Variants in MED4 observed in about 807,000 individuals in gnomAD.
The protein encoded by MED4 is mediator of RNA polymerase II transcription subunit 4.
Under a neutral mutation model 35.0 loss-of-function variants are expected in MED4, and 21 were observed. That is an observed-to-expected ratio of 0.60 (90% CI 0.43 to 0.86). The LOEUF (loss-of-function observed/expected upper bound fraction) is 0.86. Ranked by LOEUF, MED4 falls within the 40% of genes least tolerant of loss-of-function variation. The probability of loss-of-function intolerance (pLI) is 0.00; values close to 1 mark genes in which losing one functional copy is unlikely to be tolerated. For missense variants in MED4, 300 were observed against 319.4 expected, an observed-to-expected ratio of 0.94 and a Z score of 0.46; for synonymous variants, 138 against 114.0, an observed-to-expected ratio of 1.21 and a Z score of -1.34.
chr13:48,085,992 T>C (rs1241762193), intron 3 of MED4, among the ~76,000 whole-genome samples: 2 of 151,892 alleles, frequency 1.3e-5, no homozygotes, highest in East Asian at 3.9e-4. Context: ...TTAAAATTTA[T>C]ATCAGACCAG....
chr13:48,093,300 C>CT (rs952327238), intron 1 of MED4, among the ~76,000 whole-genome samples: 1 of 152,018 alleles, frequency 6.6e-6, no homozygotes, highest in Admixed American at 6.5e-5. Context: ...TGTGTTTCAA[C>CT]TTTTTAAGAC....
chr13:48,086,377 G>T lies in MED4; in HGVS notation c.268C>A (p.His90Asn). The T allele has an allele frequency of 6.2e-7, 1 of 1,613,096 alleles. No individual in the cohort carries two copies. Among genetic ancestry groups the T allele is most frequent in the Admixed American group, 1.7e-5 (1 of 59,916 alleles). Residue 90 changes from histidine (H) to asparagine (N), a missense_variant, in exon 3 of 7, where the codon CAT becomes AAT. Coordinates refer to ENST00000258648, the MANE Select transcript of MED4 (RefSeq NM_014166.4). ...MKLALNQGKI[H>N]HEMQVLEKEV... ...TTTTCTAAAACTTGCATTTCATGAT[G>T]AATTTTTCCCTGATTAAGTGCCAAT...
In MED4 at chr13:48,080,514, C is replaced by G. The variant is rs896387757; in HGVS notation, c.509-539G>C. On this transcript the variant is annotated intron_variant, in intron 5 of 6. Transcript: ENST00000258648. ...TTTTAATTTCTTTTCTGAATCTTCC[C>G]AAGAATATACTATTTTCTACACTTT... Among the ~76,000 whole-genome samples the G allele has an allele frequency of 2.0e-5, 3 of 151,176 alleles. No individual in the cohort carries two copies. In the East Asian group the frequency reaches 5.8e-4, roughly 29 times the overall value.
intron 6 of MED4, 98 bp downstream of exon 6, chr13:48,079,746 G>A: frequency 2.1e-6 from 3 of 1,398,890 alleles, no homozygotes; most frequent in Non-Finnish European, 2.9e-6. Flanking sequence ...AAAAAATTGT[G>A]TCGGGAATCT....
chr13:48,086,248 T>G (rs201007173), intron 3 of MED4, 34 bp downstream of exon 3: 4 of 1,596,202 alleles, frequency 2.5e-6, no homozygotes, highest in Non-Finnish European at 2.6e-6. Context: ...ACAACATCCT[T>G]TTTAACCTTA....
chr13:48,082,243 T>C (rs79663401), intron 4 of MED4, among the ~76,000 whole-genome samples: 3,712 of 152,136 alleles, frequency 0.024, 142 homozygotes, highest in Admixed American at 0.1. Flanking sequence ...CTGTTCAAAA[T>C]GTATGTACAT....
At chr13:48,092,940 TAG>T (rs1950900626) in intron 1 of MED4, among the ~76,000 whole-genome samples, 1 of 151,808 alleles carries the variant, frequency 6.6e-6, no homozygotes, top group Non-Finnish European at 1.5e-5. Context: ...AGAGGGGAGG[TAG>T]AAGTCTCTAA....
chr13:48,088,063 T>C (rs1208405149), intron 2 of MED4, among the ~76,000 whole-genome samples: 2 of 152,144 alleles, frequency 1.3e-5, no homozygotes, highest in Non-Finnish European at 2.9e-5. Context: ...ATATTAATAG[T>C]AGCCATTACA....
chr13:48,077,333 G>T (rs1950768321), intron 6 of MED4, 22 bp from the exon 7 acceptor site: 1 of 1,448,786 alleles, frequency 6.9e-7, no homozygotes, highest in Non-Finnish European at 9.1e-7. Flanking sequence ...AAGAAGCATA[G>T]ATAAGAACAG....
At chr13:48,094,515 C>T (rs955044336) in intron 1 of MED4, among the ~76,000 whole-genome samples, 1 of 152,108 alleles carries the variant, frequency 6.6e-6, no homozygotes, top group African/African-American at 2.4e-5. Flanking sequence ...AGAGGGCCTG[C>T]CCTGACTACA....
intron 4 of MED4, among the ~76,000 whole-genome samples, chr13:48,082,718 T>C (rs139717564): frequency 0.021 from 3,256 of 152,046 alleles, 50 homozygotes; most frequent in Non-Finnish European, 0.035. Flanking sequence ...TCCCAGCTAC[T>C]CGGGAGGCTG....
intron 2 of MED4, among the ~76,000 whole-genome samples, chr13:48,087,278 T>A (rs1474612465): frequency 6.6e-6 from 1 of 151,858 alleles, no homozygotes; most frequent in Admixed American, 6.6e-5. Flanking sequence ...GGAAGGAGAA[T>A]CGCTTGAACC....
Position 48,076,470 on chromosome 13 carries a change from T to C in MED4, c.*669A>G, listed in dbSNP as rs1404998426. 3.3e-5 allele frequency: 5 copies of C among 152,286 alleles called. No individual in the cohort carries two copies. The highest frequency in any genetic ancestry group is 6.8e-3 in the Middle Eastern group (2 of 294). The allele number at this position is 152,286 out of a possible 1,614,324, so 9.4% of individuals were successfully genotyped here. A position where few individuals can be genotyped will look rare whatever the true frequency, so the allele number is the denominator to read the frequency against. On this transcript the variant is annotated 3_prime_UTR_variant, in exon 7 of 7. Coordinates refer to ENST00000258648, the MANE Select transcript of MED4 (RefSeq NM_014166.4). ...AGGCCTTTGAGAACCCTATTAATTGTAATAGGTTTCAATTCAGTTAGTCAC... is the reference window on the plus strand; with the variant it reads ...AGGCCTTTGAGAACCCTATTAATTGCAATAGGTTTCAATTCAGTTAGTCAC...
rs752464409 is a variant in MED4 at position 48,094,954 on chromosome 13, C to T, written c.125G>A (p.Arg42Lys). The T allele has an allele frequency of 6.2e-7, 1 of 1,603,024 alleles. No homozygotes were observed. The highest frequency in any genetic ancestry group is 8.5e-7 in the Non-Finnish European group (1 of 1,179,654). The change falls in exon 1 of 7, where the codon AGG (arginine) becomes AAG (lysine). Residue 42 changes from arginine (R) to lysine (K), a missense_variant and splice_region_variant. Coordinates refer to ENST00000258648, the MANE Select transcript of MED4 (RefSeq NM_014166.4). ...SALEDLEVLS[R>K]ELIEMLAISR... is the part of the protein sequence containing the mutation. ...CCGGCTCTCAGGCTCGCCGCATTAC[C>T]TAGACAGGACCTCCAAGTCCTCAAG...
chr13:48,080,486 G>A (rs118118764), intron 5 of MED4, among the ~76,000 whole-genome samples: 2 of 148,524 alleles, frequency 1.3e-5, no homozygotes, highest in Admixed American at 6.7e-5. Flanking sequence ...TAAAATACAC[G>A]CATTTTAATT....
At position 48,090,628 on chromosome 13, in the gene MED4, G is replaced by C. The variant is rs184095258; in HGVS notation, c.126-210C>G. 5.3e-5 allele frequency among the ~76,000 whole-genome samples: 8 copies of C among 152,296 alleles called. No homozygotes were observed. The East Asian group carries it at 1.5e-3, about 29-fold the overall frequency. On this transcript the variant is annotated intron_variant, in intron 1 of 6. Transcript: ENST00000258648. Reference sequence around the variant, plus strand: ...TGCCAATGAAAGACTATTGTGAATAGAGAGAGTTCTTTCTATAAAAACCTA... The same window carrying C: ...TGCCAATGAAAGACTATTGTGAATACAGAGAGTTCTTTCTATAAAAACCTA...
intron 1 of MED4, among the ~76,000 whole-genome samples, chr13:48,094,264 A>G (rs1310993115): frequency 6.6e-6 from 1 of 152,190 alleles, no homozygotes; most frequent in Non-Finnish European, 1.5e-5. Context: ...AGGTAGAACC[A>G]AGATAATTTA....
At position 48,077,037 on chromosome 13, in the gene MED4, T is replaced by C. The variant is rs572295310; in HGVS notation, c.*102A>G. The C allele has an allele frequency of 2.3e-5, 24 of 1,040,456 alleles. No homozygotes were observed. The East Asian group carries it at 6.9e-4, about 30-fold the overall frequency. The allele number at this position is 1,040,456 out of a possible 1,614,324, so 64.5% of individuals were successfully genotyped here. ...GCACAATTCTACCAAAGCCAGTGTT[T>C]ACCTGGGTATTTTTTGTCACCTGTA... On this transcript the variant is annotated 3_prime_UTR_variant, in exon 7 of 7. Transcript: ENST00000258648.
At chr13:48,082,999 G>A (rs957535061) in intron 4 of MED4, among the ~76,000 whole-genome samples, 11 of 152,134 alleles carry the variant, frequency 7.2e-5, no homozygotes, top group South Asian at 4.1e-4. Flanking sequence ...CAGTCCCAGC[G>A]CAGTTGCCCA....
Sources: gnomAD v4.1 joint callset for allele counts (sites outside exome capture counted in the v4.1 genomes callset) on GRCh38, gnomAD v4.1.1 for gene constraint, MANE v1.5 for transcripts, NCBI Gene and HGNC (gene_info 2026-07-23, HGNC 2026-07-21) for gene names.